RAD51B: variants seen among roughly 807,000 people sequenced by gnomAD.
RAD51B encodes RAD51 paralog B.
Under a neutral mutation model 42.2 loss-of-function variants are expected in RAD51B, and 38 were observed. The observed-to-expected ratio is 0.90, with a 90% CI of 0.70 to 1.18. RAD51B has a LOEUF of 1.18. RAD51B is among the 50% of genes most tolerant of loss of function. RAD51B has a pLI of 0.00. For synonymous variants in RAD51B, 154 were observed against 145.2 expected, an observed-to-expected ratio of 1.06 and a Z score of -0.43; for missense variants, 373 against 400.7, an observed-to-expected ratio of 0.93 and a Z score of 0.59.
At chr14:68,604,251 CG>C (rs1891346712) in intron 10 of RAD51B, among the ~76,000 whole-genome samples, 1 of 151,962 alleles carries the variant, frequency 6.6e-6, no homozygotes, top group Non-Finnish European at 1.5e-5. Flanking sequence ...GCTGAAACTC[CG>C]AGAAACTCCC....
intron 7 of RAD51B, among the ~76,000 whole-genome samples, chr14:67,963,818 G>T (rs1016673196): frequency 5.3e-5 from 8 of 151,854 alleles, no homozygotes; most frequent in African/African-American, 1.9e-4. Flanking sequence ...CCAAAAATTA[G>T]GGTTTTTCTT....
At chr14:68,008,591 A>G (rs984302222) in intron 7 of RAD51B, among the ~76,000 whole-genome samples, 116 of 152,148 alleles carry the variant, frequency 7.6e-4, no homozygotes, top group African/African-American at 2.7e-3. Flanking sequence ...GAAGTAAAAT[A>G]ATTATAAATA....
chr14:68,227,110 TC>T (rs1399075499), intron 7 of RAD51B, among the ~76,000 whole-genome samples: 1 of 152,214 alleles, frequency 6.6e-6, no homozygotes, highest in African/African-American at 2.4e-5. Flanking sequence ...CAATCAGGCC[TC>T]CTCGTCACAA....
At chr14:68,452,103 T>C (rs1251083623) in intron 9 of RAD51B, among the ~76,000 whole-genome samples, 1 of 152,210 alleles carries the variant, frequency 6.6e-6, no homozygotes, top group Non-Finnish European at 1.5e-5. Context: ...GTCTTGTGGA[T>C]GGCGCTGGGA....
At chr14:67,927,703 A>G (rs536584756) in intron 7 of RAD51B, among the ~76,000 whole-genome samples, 1,633 of 137,424 alleles carry the variant, frequency 0.012, 9 homozygotes, top group Middle Eastern at 0.017. Flanking sequence ...ATTTCATTGT[A>G]TGTGTGTGTG....
chr14:67,854,413 C>T (rs1381496113), intron 4 of RAD51B, among the ~76,000 whole-genome samples: 1 of 152,046 alleles, frequency 6.6e-6, no homozygotes, highest in Non-Finnish European at 1.5e-5. Context: ...ATGGGCAGAT[C>T]ACTTGAGGCC....
chr14:67,840,198 G>T (rs920764264), intron 4 of RAD51B, among the ~76,000 whole-genome samples: 1 of 152,146 alleles, frequency 6.6e-6, no homozygotes, highest in African/African-American at 2.4e-5. Flanking sequence ...GCGTGATGCT[G>T]AGGTTTGGGG....
At position 67,882,615 on chromosome 14, in the gene RAD51B, G is replaced by A. The variant is rs181831173; in HGVS notation, c.453-3254G>A. ...CTGATATGTCCAAAACTGCATTTTT[G>A]TTTCCCCCATGAAGGAAATAAAACA... On this transcript the variant is annotated intron_variant, in intron 5 of 10. Transcript: ENST00000471583. Among the ~76,000 whole-genome samples, 14 of 152,172 alleles carry A rather than the reference G, an allele frequency of 9.2e-5. No homozygotes were observed. In the South Asian group the frequency reaches 2.9e-3, roughly 32 times the overall value.
chr14:67,926,293 A>G (rs370169229), intron 7 of RAD51B, among the ~76,000 whole-genome samples: 1 of 152,152 alleles, frequency 6.6e-6, no homozygotes, highest in Non-Finnish European at 1.5e-5. Flanking sequence ...GAAATTTTTT[A>G]CACCAGATAC....
chr14:68,402,233 C>T (rs750165228), intron 8 of RAD51B, among the ~76,000 whole-genome samples: 30 of 152,306 alleles, frequency 2.0e-4, no homozygotes, highest in Non-Finnish European at 3.7e-4. Flanking sequence ...CTATTATAGG[C>T]AGTTTCCCAG....
chr14:68,584,580 G>T (rs564942519), intron 10 of RAD51B, among the ~76,000 whole-genome samples: 3 of 152,070 alleles, frequency 2.0e-5, no homozygotes, highest in Non-Finnish European at 2.9e-5. Context: ...TGCGCTTCTT[G>T]CCTGCTCCCA....
At chr14:68,365,046 G>C (rs1446760331) in intron 8 of RAD51B, among the ~76,000 whole-genome samples, 3 of 152,100 alleles carry the variant, frequency 2.0e-5, no homozygotes, top group Non-Finnish European at 4.4e-5. Flanking sequence ...CAGGAATGTA[G>C]TGCTCCTACA....
chr14:68,359,213 G>C (rs1566831406), intron 8 of RAD51B, among the ~76,000 whole-genome samples: 1 of 151,902 alleles, frequency 6.6e-6, no homozygotes. Flanking sequence ...CCTGTCCGAG[G>C]GTGGGGAATT....
At chr14:68,087,592 G>A (rs1448874667) in intron 7 of RAD51B, among the ~76,000 whole-genome samples, 1 of 151,144 alleles carries the variant, frequency 6.6e-6, no homozygotes, top group Non-Finnish European at 1.5e-5. Context: ...TGTGGAACCA[G>A]AAAAAAAATC....
At position 67,898,240 on chromosome 14, in the gene RAD51B, C is replaced by T. The variant is rs578233073; in HGVS notation, c.756+11036C>T. The stretch of plus-strand genomic sequence containing the variant: ...ACACACACAATGATATATTATTTAG[C>T]CTTAAATAAAAAAGAAGGAAATACT... On this transcript the variant is annotated intron_variant, in intron 7 of 10. Coordinates refer to ENST00000471583, the MANE Select transcript of RAD51B (RefSeq NM_133510.4). Among the ~76,000 whole-genome samples the T allele has an allele frequency of 5.3e-5, 8 of 152,092 alleles. No homozygotes were observed. The South Asian group carries it at 1.7e-3, about 32-fold the overall frequency.
chr14:68,461,090 A>G (rs1278823556), intron 9 of RAD51B, among the ~76,000 whole-genome samples: 1 of 152,082 alleles, frequency 6.6e-6, no homozygotes, highest in African/African-American at 2.4e-5. Context: ...CATTAACCAT[A>G]AAACAGTAAA....
At chr14:67,944,034 T>C (rs1035266005) in intron 7 of RAD51B, among the ~76,000 whole-genome samples, 8 of 152,088 alleles carry the variant, frequency 5.3e-5, no homozygotes, top group African/African-American at 1.4e-4. Flanking sequence ...TGATGTGATC[T>C]GAACAGACAC....
chr14:68,057,935 T>C (rs973142087), intron 7 of RAD51B, among the ~76,000 whole-genome samples: 1 of 151,850 alleles, frequency 6.6e-6, no homozygotes, highest in African/African-American at 2.4e-5. Context: ...TTCGTTCTTA[T>C]CAAATTAAGT....
chr14:67,915,064 T>TG (rs2044106625), intron 7 of RAD51B, among the ~76,000 whole-genome samples: 1 of 152,146 alleles, frequency 6.6e-6, no homozygotes, highest in Non-Finnish European at 1.5e-5. Context: ...CAGTAGACAC[T>TG]GGGGACCATT....
Sources: gnomAD v4.1 joint callset for allele counts (sites outside exome capture counted in the v4.1 genomes callset) on GRCh38, gnomAD v4.1.1 for gene constraint, MANE v1.5 for transcripts, NCBI Gene and HGNC (gene_info 2026-07-23, HGNC 2026-07-21) for gene names.